Variants in RFX7 observed in about 807,000 individuals in gnomAD.
RFX7 encodes the protein regulatory factor X7, also known as DNA-binding protein RFX7.
RFX7 carries 26 observed loss-of-function variants against 111.8 expected under a neutral mutation model. The observed-to-expected ratio is 0.23, with a 90% confidence interval of 0.17 to 0.32. The LOEUF is 0.32. Among genes scored for constraint, RFX7 ranks in the 10% least tolerant of loss-of-function variants. The pLI is 1.00. For missense variants in RFX7, 1,573 were observed against 1,772.9 expected, an observed-to-expected ratio of 0.89 and a Z score of 2.02; for synonymous variants, 624 against 624.4, an observed-to-expected ratio of 1.00 and a Z score of 0.01.
At chr15:56,212,189 C>T (rs1395699132) in intron 2 of RFX7, among the ~76,000 whole-genome samples, 1 of 152,034 alleles carries the variant, frequency 6.6e-6, no homozygotes, top group Non-Finnish European at 1.5e-5. Context: ...ATTAGCTATA[C>T]AAGACATGAA....
At chr15:56,197,985 T>C (rs1351640262) in intron 2 of RFX7, among the ~76,000 whole-genome samples, 1 of 152,166 alleles carries the variant, frequency 6.6e-6, no homozygotes, top group Non-Finnish European at 1.5e-5. Context: ...TATTAAGTCT[T>C]TGCAGAATGT....
chr15:56,208,840 T>C (rs2043282083), intron 2 of RFX7, among the ~76,000 whole-genome samples: 1 of 151,806 alleles, frequency 6.6e-6, no homozygotes, highest in African/African-American at 2.4e-5. Flanking sequence ...CCACCAAATT[T>C]GAAAAGCAAG....
intron 2 of RFX7, among the ~76,000 whole-genome samples, chr15:56,230,653 A>G (rs2043543242): frequency 6.6e-6 from 1 of 152,266 alleles, no homozygotes; most frequent in South Asian, 2.1e-4. Flanking sequence ...CTTGTTTATT[A>G]GAACAGCACT....
chr15:56,226,409 G>A (rs2043483952), intron 2 of RFX7, among the ~76,000 whole-genome samples: 1 of 152,128 alleles, frequency 6.6e-6, no homozygotes, highest in Non-Finnish European at 1.5e-5. Flanking sequence ...TACCCAGAGG[G>A]AAGTCATGTA....
rs747202421 is a variant in RFX7, at chr15:56,095,176, G to T, written c.2552C>A (p.Ser851Tyr). ...ESSLNQIQAH[S>Y]SDQLPLQSEL... ...AGATTGCAGAGGTAACTGATCTGAA[G>T]AATGTGCTTGTATTTGATTTAAAGA... The change falls in exon 10 of 10, where the codon TCT (serine) becomes TAT (tyrosine). Residue 851 changes from serine to tyrosine, a missense_variant. Physicochemically the swap from Ser to Tyr is moderately radical, Grantham distance 144 (BLOSUM62 -2). Around this residue, in one of 7 missense-constraint regions of RFX7, gnomAD observed 625 missense variants for 632.2 expected, o/e 0.99. Coordinates refer to ENST00000559447, the MANE Select transcript of RFX7 (RefSeq NM_022841.7). 2 of 1,613,966 alleles carry T rather than the reference G, an allele frequency of 1.2e-6. No homozygotes were observed. Among genetic ancestry groups the T allele is most frequent in the Non-Finnish European group, 8.5e-7 (1 of 1,179,872 alleles).
In RFX7 at chr15:56,234,033, G is replaced by A. The variant is rs756786628; in HGVS notation, c.161+9092C>T. ...TGCTAGTGAGATTAACAATGACCAA[G>A]TAAGTATACTGTTAAGTGTGTTTGG... On this transcript the variant is annotated intron_variant, in intron 2 of 9. Coordinates refer to ENST00000559447, the MANE Select transcript of RFX7 (RefSeq NM_022841.7). Among the ~76,000 whole-genome samples the A allele has an allele frequency of 4.4e-4, 67 of 152,102 alleles. 1 individual carries two copies. Among genetic ancestry groups the A allele is most frequent in the Non-Finnish European group, 9.3e-4 (63 of 68,018 alleles).
chr15:56,118,051 A>C (rs2042031881), intron 5 of RFX7, among the ~76,000 whole-genome samples: 1 of 151,742 alleles, frequency 6.6e-6, no homozygotes, highest in East Asian at 1.9e-4. Flanking sequence ...ATATTTTAAA[A>C]ATTCTTGTGA....
At chr15:56,182,059 C>T (rs2042980411) in intron 2 of RFX7, among the ~76,000 whole-genome samples, 1 of 151,980 alleles carries the variant, frequency 6.6e-6, no homozygotes, top group Admixed American at 6.6e-5. Context: ...CCAGAAGAGA[C>T]CACTATCTAG....
At chr15:56,110,278 A>C (rs1478916818) in intron 5 of RFX7, among the ~76,000 whole-genome samples, 1 of 53,202 alleles carries the variant, frequency 1.9e-5, no homozygotes, top group Non-Finnish European at 3.7e-5. Flanking sequence ...GGGGGGGGTC[A>C]GCCCCCCGCC....
chr15:56,168,683 G>T (rs1448018419), intron 3 of RFX7, among the ~76,000 whole-genome samples: 5 of 144,308 alleles, frequency 3.5e-5, no homozygotes, highest in African/African-American at 1.2e-4. Context: ...TGCAGGTAGG[G>T]GTAGCCATGT....
chr15:56,124,574 C>CA (rs1423196432), intron 5 of RFX7, among the ~76,000 whole-genome samples: 2 of 152,200 alleles, frequency 1.3e-5, no homozygotes, highest in African/African-American at 4.8e-5. Context: ...CATGATACCT[C>CA]ACTGTGGTTT....
At chr15:56,238,990 C>T (rs547154599) in intron 2 of RFX7, among the ~76,000 whole-genome samples, 1 of 151,974 alleles carries the variant, frequency 6.6e-6, no homozygotes, top group African/African-American at 2.4e-5. Flanking sequence ...CACGATGCCA[C>T]ACCTGGATAA....
At chr15:56,232,536 T>G (rs1259691422) in intron 2 of RFX7, among the ~76,000 whole-genome samples, 1 of 152,238 alleles carries the variant, frequency 6.6e-6, no homozygotes, top group Admixed American at 6.5e-5. Flanking sequence ...ACTTGTTTCC[T>G]CGTTACTTAT....
At chr15:56,188,397 C>T (rs939810479) in intron 2 of RFX7, among the ~76,000 whole-genome samples, 11 of 152,108 alleles carry the variant, frequency 7.2e-5, no homozygotes, top group Admixed American at 2.6e-4. Flanking sequence ...TGGCCAAAGT[C>T]TTCCCAAATC....
intron 2 of RFX7, among the ~76,000 whole-genome samples, chr15:56,182,691 T>A (rs1175422847): frequency 5.9e-5 from 9 of 152,194 alleles, no homozygotes; most frequent in African/African-American, 2.2e-4. Flanking sequence ...TCATTTTAAC[T>A]ACTAAAAATT....
intron 5 of RFX7, among the ~76,000 whole-genome samples, chr15:56,114,862 A>G (rs2041989007): frequency 6.6e-6 from 1 of 152,188 alleles, no homozygotes; most frequent in Non-Finnish European, 1.5e-5. Context: ...CTAATAAAAA[A>G]AATCCCATAG....
At chr15:56,097,871 A>T (rs547858938) in intron 9 of RFX7, among the ~76,000 whole-genome samples, 4 of 151,376 alleles carry the variant, frequency 2.6e-5, no homozygotes, top group African/African-American at 7.3e-5. Flanking sequence ...TATGTCTTGG[A>T]TCTTTATATT....
At chr15:56,196,172 GAAT>G (rs1157690706) in intron 2 of RFX7, among the ~76,000 whole-genome samples, 6 of 151,898 alleles carry the variant, frequency 4.0e-5, no homozygotes, top group African/African-American at 1.2e-4. Context: ...AAGTTATAAA[GAAT>G]AATATAACAC....
intron 2 of RFX7, among the ~76,000 whole-genome samples, chr15:56,232,795 G>T (rs557536378): frequency 1.1e-4 from 17 of 152,148 alleles, no homozygotes; most frequent in Non-Finnish European, 2.2e-4. Flanking sequence ...AATGCTGCCA[G>T]TATCTTTGCT....
Sources: allele counts gnomAD v4.1 joint callset (sites outside exome capture counted in the v4.1 genomes callset), GRCh38; gene constraint gnomAD v4.1.1; regional missense constraint gnomAD v4.1.1; transcripts MANE v1.5; gene names NCBI Gene and HGNC (gene_info 2026-07-23, HGNC 2026-07-21).